ZCCHC4: variants seen among roughly 807,000 people sequenced by gnomAD.
The protein encoded by ZCCHC4 is zinc finger CCHC-type containing 4.
A neutral mutation model predicts 67.7 loss-of-function variants in ZCCHC4; 54 were observed. That is an observed-to-expected ratio of 0.80 (90% CI 0.64 to 1.00). The LOEUF (loss-of-function observed/expected upper bound fraction) is 1.00. ZCCHC4 is among the 50% of genes least tolerant of loss of function. The pLI is 0.00. For missense variants in ZCCHC4, 609 were observed against 617.0 expected, an observed-to-expected ratio of 0.99 and a Z score of 0.14; for synonymous variants, 198 against 213.5, an observed-to-expected ratio of 0.93 and a Z score of 0.63.
chr4:25,369,387 T>C lies in ZCCHC4; in HGVS notation c.*223T>C. The C allele has an allele frequency of 1.9e-6, 1 of 525,186 alleles. No individual in the cohort carries two copies. The highest frequency in any genetic ancestry group is 3.3e-6 in the Non-Finnish European group (1 of 304,046). 32.5% of individuals were successfully genotyped at this position (525,186 alleles called of 1,614,324 possible). ...GCCAGTTTACTAGTTCTTTCAGCAT[T>C]CATTTTTCCTCACTTTAAGTCTCTC... On this transcript the variant is annotated 3_prime_UTR_variant, in exon 13 of 13. Coordinates refer to ENST00000302874, the MANE Select transcript of ZCCHC4 (RefSeq NM_024936.3).
chr4:25,340,625 A>G (rs997526049), intron 5 of ZCCHC4, among the ~76,000 whole-genome samples: 1 of 151,840 alleles, frequency 6.6e-6, no homozygotes, highest in Non-Finnish European at 1.5e-5. Flanking sequence ...GTCCATGAAC[A>G]TGAGATGTCC....
chr4:25,317,044 G>A (rs1296462493), intron 3 of ZCCHC4, among the ~76,000 whole-genome samples: 1 of 152,208 alleles, frequency 6.6e-6, no homozygotes, highest in East Asian at 1.9e-4. Flanking sequence ...ACAAACTTGT[G>A]AAAAGAATTT....
chr4:25,326,509 A>G (rs1447208100), intron 3 of ZCCHC4, among the ~76,000 whole-genome samples: 1 of 152,096 alleles, frequency 6.6e-6, no homozygotes, highest in African/African-American at 2.4e-5. Flanking sequence ...AGTTAACTTT[A>G]TATGTGTTTT....
At chr4:25,350,460 G>A (rs1383098165) in intron 7 of ZCCHC4, among the ~76,000 whole-genome samples, 1 of 151,836 alleles carries the variant, frequency 6.6e-6, no homozygotes, top group Non-Finnish European at 1.5e-5. Context: ...GTAGAGACAG[G>A]GTTTTGCCAT....
At chr4:25,342,672 T>G (rs1362039001) in intron 5 of ZCCHC4, among the ~76,000 whole-genome samples, 1 of 152,192 alleles carries the variant, frequency 6.6e-6, no homozygotes, top group Non-Finnish European at 1.5e-5. Flanking sequence ...GAATGTCCTT[T>G]TGAGCATTTT....
At chr4:25,338,113 A>G (rs1719552029) in intron 5 of ZCCHC4, among the ~76,000 whole-genome samples, 1 of 152,166 alleles carries the variant, frequency 6.6e-6, no homozygotes, top group African/African-American at 2.4e-5. Context: ...TCTTTTTGAG[A>G]CAACATCTTG....
At chr4:25,345,670 A>T in intron 6 of ZCCHC4, 50 bp downstream of exon 6, 2 of 1,218,822 alleles carry the variant, frequency 1.6e-6, no homozygotes, top group South Asian at 2.6e-5. Context: ...GGAATAACAG[A>T]TTTCAGAGTG....
At position 25,364,444 on chromosome 4, in the gene ZCCHC4, T is replaced by A. The variant is rs1322432316; in HGVS notation, c.1210-10T>A. 1.3e-6 allele frequency: 2 copies of A among 1,507,680 alleles called. No individual in the cohort carries two copies. Among genetic ancestry groups the A allele is most frequent in the East Asian group, 4.8e-5 (2 of 41,618 alleles). The allele number at this position is 1,507,680 out of a possible 1,614,324, so 93.4% of individuals were successfully genotyped here. On this transcript the variant is annotated splice_polypyrimidine_tract_variant and intron_variant, in intron 10 of 12. Coordinates refer to ENST00000302874, the MANE Select transcript of ZCCHC4 (RefSeq NM_024936.3). ...AATTATAATTTAAAAATTGTTTTTT[T>A]TTTTGGTAGGATGGCAGGAAATGGA...
intron 6 of ZCCHC4, 119 bp downstream of exon 6, chr4:25,345,739 A>G: frequency 1.5e-6 from 1 of 659,550 alleles, no homozygotes; most frequent in South Asian, 2.0e-5. Flanking sequence ...TCTACCATTT[A>G]CTGATATTTA....
rs2109099710 is a variant in ZCCHC4, at chr4:25,370,182, T to G, written c.*1018T>G. 6.6e-6 allele frequency: 1 copy of G among 152,310 alleles called. No individual in the cohort carries two copies. The highest frequency in any genetic ancestry group is 2.1e-4 in the South Asian group (1 of 4,826). The allele number at this position is 152,310 out of a possible 1,614,324, so 9.4% of individuals were successfully genotyped here. A position where few individuals can be genotyped will look rare whatever the true frequency, so the allele number is the denominator to read the frequency against. On this transcript the variant is annotated 3_prime_UTR_variant, in exon 13 of 13. Coordinates refer to ENST00000302874, the MANE Select transcript of ZCCHC4 (RefSeq NM_024936.3). ...TAAGATTCTGTCTTTGTAAAAGTAG[T>G]TCGTAGCAGAAGCCAGGATAGTTTG... is the stretch of plus-strand genomic sequence containing the variant.
intron 10 of ZCCHC4, among the ~76,000 whole-genome samples, chr4:25,363,532 G>T (rs891462033): frequency 1.3e-5 from 2 of 152,182 alleles, no homozygotes; most frequent in Non-Finnish European, 2.9e-5. Context: ...AAGGGCCTGT[G>T]AAGTTTAGTT....
chr4:25,337,803 C>T (rs1719532839), intron 5 of ZCCHC4, among the ~76,000 whole-genome samples: 2 of 152,168 alleles, frequency 1.3e-5, no homozygotes, highest in Admixed American at 6.5e-5. Context: ...TTTGAATTTA[C>T]ATTAAAAGTT....
chr4:25,369,190 A>G lies in ZCCHC4; in HGVS notation c.*26A>G. The G allele has an allele frequency of 6.2e-7, 1 of 1,605,442 alleles. No homozygotes were observed. Among genetic ancestry groups the G allele is most frequent in the Non-Finnish European group, 8.5e-7 (1 of 1,178,136 alleles). ...ATGTCCAGTGACTGGAGAATAAGAA[A>G]GATTTATGGTCCAACCTTTGATGCC... is the stretch of plus-strand genomic sequence containing the variant. On this transcript the variant is annotated 3_prime_UTR_variant, in exon 13 of 13. Coordinates refer to ENST00000302874, the MANE Select transcript of ZCCHC4 (RefSeq NM_024936.3).
chr4:25,320,276 A>G (rs775785944), intron 3 of ZCCHC4, among the ~76,000 whole-genome samples: 1 of 152,172 alleles, frequency 6.6e-6, no homozygotes, highest in Non-Finnish European at 1.5e-5. Context: ...GTGACCTATG[A>G]AGACTTAGGG....
At chr4:25,313,867 G>A (rs1718093136) in intron 1 of ZCCHC4, among the ~76,000 whole-genome samples, 179 bp from the exon 2 acceptor site, 1 of 152,044 alleles carries the variant, frequency 6.6e-6, no homozygotes, top group Non-Finnish European at 1.5e-5. Flanking sequence ...CCTGTCTCAA[G>A]AAAACAAAAC....
At chr4:25,320,908 C>T (rs1718549162) in intron 3 of ZCCHC4, among the ~76,000 whole-genome samples, 1 of 152,222 alleles carries the variant, frequency 6.6e-6, no homozygotes, top group South Asian at 2.1e-4. Context: ...TTAAACTCAG[C>T]TCCTTATGGT....
At chr4:25,328,537 G>A (rs1039404115) in intron 3 of ZCCHC4, among the ~76,000 whole-genome samples, 1 of 151,960 alleles carries the variant, frequency 6.6e-6, no homozygotes, top group African/African-American at 2.4e-5. Flanking sequence ...ACCTTGCCCA[G>A]TCCACAATCT....
intron 5 of ZCCHC4, among the ~76,000 whole-genome samples, chr4:25,337,001 C>G (rs904894638): frequency 6.6e-6 from 1 of 152,146 alleles, no homozygotes; most frequent in African/African-American, 2.4e-5. Flanking sequence ...ACTAAGCTAT[C>G]CTTTGGAAAT....
chr4:25,325,263 A>AG (rs1718816640), intron 3 of ZCCHC4, among the ~76,000 whole-genome samples: 1 of 146,040 alleles, frequency 6.8e-6, no homozygotes, highest in Non-Finnish European at 1.5e-5. Flanking sequence ...AAAAAAAAAA[A>AG]GAAATATTTT....
Sources: gnomAD v4.1 joint callset for allele counts (sites outside exome capture counted in the v4.1 genomes callset) on GRCh38, gnomAD v4.1.1 for gene constraint, MANE v1.5 for transcripts, NCBI Gene and HGNC (gene_info 2026-07-23, HGNC 2026-07-21) for gene names.